The following ETS1 variants were observed in gnomAD, a reference collection of about 807,000 sequenced individuals.
The protein encoded by ETS1 is ETS proto-oncogene 1, transcription factor.
A neutral mutation model predicts 58.6 loss-of-function variants in ETS1; 15 were observed. That is an observed-to-expected ratio of 0.26 (90% CI 0.17 to 0.39). ETS1 has a LOEUF of 0.39. ETS1 is among the 10% of genes least tolerant of loss of function. ETS1 has a pLI of 1.00. For missense variants in ETS1, 417 were observed against 610.5 expected (o/e 0.68, Z 3.34); for synonymous variants, 214 against 218.2 (o/e 0.98, Z 0.17).
At chr11:128,488,504 G>A (rs1862700948) in intron 5 of ETS1, among the ~76,000 whole-genome samples, 1 of 152,126 alleles carries the variant, frequency 6.6e-6, no homozygotes, top group Non-Finnish European at 1.5e-5. Flanking sequence ...GAAAGGATGG[G>A]CCTGGGTTAG....
intron 1 of ETS1, among the ~76,000 whole-genome samples, chr11:128,581,840 A>T (rs1237495455): frequency 6.6e-6 from 1 of 152,182 alleles, no homozygotes; most frequent in Non-Finnish European, 1.5e-5. Flanking sequence ...TTCTCAACAA[A>T]ACTGAGAGGC....
chr11:128,576,769 G>A (rs1304989194), intron 1 of ETS1, among the ~76,000 whole-genome samples: 2 of 151,702 alleles, frequency 1.3e-5, no homozygotes, highest in East Asian at 1.9e-4. Flanking sequence ...GTTTTCTTAG[G>A]CACGCGTTGC....
chr11:128,479,641 C>A (rs968843646), intron 8 of ETS1, among the ~76,000 whole-genome samples: 1 of 152,102 alleles, frequency 6.6e-6, no homozygotes, highest in Non-Finnish European at 1.5e-5. Context: ...GATAATAAAG[C>A]CGAGTAAGAG....
At chr11:128,522,072 A>C in intron 3 of ETS1, 1 of 1,418,550 alleles carries the variant, frequency 7.0e-7, no homozygotes, top group Non-Finnish European at 9.3e-7. Context: ...GAGGATTAGT[A>C]ACAGGGGGAA....
intron 3 of ETS1, among the ~76,000 whole-genome samples, chr11:128,515,133 C>T (rs1863487936): frequency 1.3e-5 from 2 of 151,896 alleles, no homozygotes; most frequent in Non-Finnish European, 2.9e-5. Flanking sequence ...CTTTTCAGCC[C>T]AAAGTAAAAT....
At chr11:128,577,371 C>G (rs372064709) in intron 1 of ETS1, among the ~76,000 whole-genome samples, 1 of 152,176 alleles carries the variant, frequency 6.6e-6, no homozygotes. Context: ...TTCCCATCAC[C>G]GCATATGAAT....
intron 3 of ETS1, among the ~76,000 whole-genome samples, chr11:128,493,784 T>C (rs757919199): frequency 2.6e-5 from 4 of 152,266 alleles, no homozygotes; most frequent in African/African-American, 9.6e-5. Flanking sequence ...TGTGTGAGCA[T>C]TGCTCTTAAG....
chr11:128,539,039 A>G (rs1864016321), intron 3 of ETS1, among the ~76,000 whole-genome samples: 1 of 152,232 alleles, frequency 6.6e-6, no homozygotes, highest in South Asian at 2.1e-4. Context: ...TTTGTGCATA[A>G]AAGTTAACTC....
chr11:128,533,114 C>T lies in ETS1; in HGVS notation c.214+23177G>A, dbSNP rs116522599. Among the ~76,000 whole-genome samples the T allele has an allele frequency of 3.6e-3, 554 of 152,312 alleles. 5 individuals are homozygous for T. Among genetic ancestry groups the T allele is most frequent in the African/African-American group, 0.013 (527 of 41,572 alleles). ...TTATCAATGTTGGTGAGTTTGTTCA[C>T]GCTCCATATCCATCCAAAGCCCAGA... On this transcript the variant is annotated intron_variant, in intron 3 of 9. Transcript: ENST00000392668.
At chr11:128,563,082 C>G (rs1864431552) in intron 2 of ETS1, among the ~76,000 whole-genome samples, 1 of 152,154 alleles carries the variant, frequency 6.6e-6, no homozygotes, top group African/African-American at 2.4e-5. Flanking sequence ...TTTAGCAGAA[C>G]AGTCTTCAAT....
chr11:128,478,506 G>A (rs1862397066), intron 8 of ETS1, among the ~76,000 whole-genome samples: 1 of 151,966 alleles, frequency 6.6e-6, no homozygotes, highest in Admixed American at 6.6e-5. Flanking sequence ...AGGGTGGGCA[G>A]GCAACTATCA....
intron 1 of ETS1, among the ~76,000 whole-genome samples, chr11:128,580,701 G>A (rs1864848819): frequency 6.6e-6 from 1 of 152,172 alleles, no homozygotes; most frequent in Non-Finnish European, 1.5e-5. Flanking sequence ...ATGGGCTACT[G>A]TCTTCTGTGT....
intron 7 of ETS1, 41 bp from the exon 8 acceptor site, chr11:128,480,492 A>G (rs1229575446): frequency 2.8e-6 from 4 of 1,408,842 alleles, no homozygotes; most frequent in East Asian, 2.3e-5. Flanking sequence ...CAGGGGGAGG[A>G]GGGAGTGGGA....
intron 3 of ETS1, among the ~76,000 whole-genome samples, chr11:128,555,920 G>A (rs987830499): frequency 3.9e-5 from 6 of 152,220 alleles, no homozygotes; most frequent in South Asian, 2.1e-4. Flanking sequence ...TCGAAAGAAA[G>A]CATGTTCTCT....
chr11:128,575,671 T>C (rs573717583), intron 1 of ETS1, among the ~76,000 whole-genome samples: 9 of 152,120 alleles, frequency 5.9e-5, no homozygotes, highest in Non-Finnish European at 1.0e-4. Context: ...TATAGCATAA[T>C]GTGATAAGTA....
In ETS1 at chr11:128,494,251, A is replaced by G. The variant is rs188215035; in HGVS notation, c.215-3675T>C. 1.3e-3 allele frequency among the ~76,000 whole-genome samples: 195 copies of G among 152,354 alleles called. 1 individual carries two copies. The highest frequency in any genetic ancestry group is 2.2e-3 in the Non-Finnish European group (152 of 68,030). On this transcript the variant is annotated intron_variant, in intron 3 of 9. Coordinates refer to ENST00000392668, the MANE Select transcript of ETS1 (RefSeq NM_001143820.2). ...ACAGTGGAGATTCTAAACACAACGC[A>G]CTGGAAAATGAGGACATAAATATAT...
At chr11:128,472,508 C>A (rs994533869) in intron 8 of ETS1, among the ~76,000 whole-genome samples, 4 of 152,208 alleles carry the variant, frequency 2.6e-5, no homozygotes, top group African/African-American at 9.7e-5. Context: ...CTGGTCTCAA[C>A]AAGCCATGTT....
chr11:128,574,545 G>A (rs963913568), intron 1 of ETS1, among the ~76,000 whole-genome samples: 5 of 152,228 alleles, frequency 3.3e-5, no homozygotes, highest in Admixed American at 2.0e-4. Context: ...TAACATCTGC[G>A]TCAGGGGTCA....
rs775792716 is a variant in ETS1, at chr11:128,573,080, C to T, written c.51G>A (p.Ala17=). Residue 17 remains alanine, a synonymous_variant, in exon 2 of 10, where the codon GCG becomes GCA. Coordinates refer to ENST00000392668, the MANE Select transcript of ETS1 (RefSeq NM_001143820.2). ...SAGSSPVPYS[A]PRPAVVRQGP... ...CACTCACCACCACTGCAGGACGAGG[C>T]GCTGAGTAAGGGACGGGGCTGCTCC... is the stretch of plus-strand genomic sequence containing the variant. The T allele has an allele frequency of 4.4e-6, 7 of 1,604,272 alleles. No individual in the cohort carries two copies. Among genetic ancestry groups the T allele is most frequent in the African/African-American group, 2.7e-5 (2 of 74,742 alleles).
Sources: gnomAD v4.1 joint callset for allele counts (sites outside exome capture counted in the v4.1 genomes callset) on GRCh38, gnomAD v4.1.1 for gene constraint, MANE v1.5 for transcripts, NCBI Gene and HGNC (gene_info 2026-07-23, HGNC 2026-07-21) for gene names.